Variants in CBFB observed in about 807,000 individuals in gnomAD.
The protein encoded by CBFB is CBF-beta.
Under a neutral mutation model 30.4 loss-of-function variants are expected in CBFB, and 9 were observed. That is an observed-to-expected ratio of 0.30 (90% CI 0.18 to 0.52). CBFB has a LOEUF of 0.52. CBFB is among the 20% of genes least tolerant of loss of function. CBFB has a pLI of 0.97. For missense variants in CBFB, 170 were observed against 244.0 expected (o/e 0.70, Z 2.02); for synonymous variants, 94 against 84.0 (o/e 1.12, Z -0.65).
chr16:67,078,621 T>G (rs1015096884), intron 4 of CBFB, among the ~76,000 whole-genome samples: 6 of 152,176 alleles, frequency 3.9e-5, no homozygotes, highest in African/African-American at 2.4e-5. Context: ...TCTCCTGGCT[T>G]ATTTTGCTGC....
intron 3 of CBFB, among the ~76,000 whole-genome samples, chr16:67,062,881 T>C (rs1960950600): frequency 6.6e-6 from 1 of 152,144 alleles, no homozygotes; most frequent in Admixed American, 6.5e-5. Context: ...ATGACTAATA[T>C]AAAATCCAGT....
chr16:67,046,616 A>C (rs1200264618), intron 3 of CBFB, among the ~76,000 whole-genome samples: 1 of 152,194 alleles, frequency 6.6e-6, no homozygotes, highest in African/African-American at 2.4e-5. Flanking sequence ...CAGTAGTATA[A>C]CCACCACCAA....
At chr16:67,043,815 C>T (rs973511919) in intron 3 of CBFB, among the ~76,000 whole-genome samples, 1 of 152,106 alleles carries the variant, frequency 6.6e-6, no homozygotes, top group Non-Finnish European at 1.5e-5. Context: ...TTATAGCTAA[C>T]TGATTGATAG....
intron 4 of CBFB, among the ~76,000 whole-genome samples, chr16:67,080,976 A>G (rs547693104): frequency 6.6e-6 from 1 of 152,150 alleles, no homozygotes; most frequent in Non-Finnish European, 1.5e-5. Context: ...AGTACCTCTG[A>G]CTTTTTTTTA....
chr16:67,090,808 A>C (rs371667881), intron 5 of CBFB, among the ~76,000 whole-genome samples: 2 of 152,368 alleles, frequency 1.3e-5, no homozygotes, highest in East Asian at 1.9e-4. Flanking sequence ...TTTTAATACA[A>C]TTCAAATCAT....
chr16:67,080,986 A>G (rs1325748209), intron 4 of CBFB, among the ~76,000 whole-genome samples: 5 of 151,872 alleles, frequency 3.3e-5, no homozygotes, highest in African/African-American at 4.8e-5. Context: ...ACTTTTTTTT[A>G]TATATATACT....
chr16:67,056,696 T>A (rs1440944999), intron 3 of CBFB, among the ~76,000 whole-genome samples: 1 of 151,814 alleles, frequency 6.6e-6, no homozygotes, highest in African/African-American at 2.4e-5. Flanking sequence ...TTTTTTTTTT[T>A]TTTTAAGACA....
At chr16:67,066,296 C>G (rs1246817700) in intron 3 of CBFB, among the ~76,000 whole-genome samples, 1 of 150,682 alleles carries the variant, frequency 6.6e-6, no homozygotes, top group African/African-American at 2.5e-5. Flanking sequence ...GCCTGTAATC[C>G]TAGCACTTTT....
Position 67,029,345 on chromosome 16 carries a change from C to T in CBFB, c.-63C>T. The T allele has an allele frequency of 8.0e-7, 1 of 1,244,306 alleles. No homozygotes were observed. The highest frequency in any genetic ancestry group is 3.2e-5 in the East Asian group (1 of 30,794). The allele number at this position is 1,244,306 out of a possible 1,614,324, so 77.1% of individuals were successfully genotyped here. On this transcript the variant is annotated 5_prime_UTR_variant, in exon 1 of 6. Coordinates refer to ENST00000412916, the MANE Select transcript of CBFB (RefSeq NM_022845.3). ...GGCGGTCAGTCGGTCAGCGCGGAGC[C>T]AGCCAGCGGGTGCCCGCGCAAGCCC... is the stretch of plus-strand genomic sequence containing the variant.
chr16:67,100,454 C>G lies in CBFB; in HGVS notation c.*1676C>G, dbSNP rs920255038. 1 of 226,372 alleles carries G rather than the reference C, an allele frequency of 4.4e-6. No individual in the cohort carries two copies. Among genetic ancestry groups the G allele is most frequent in the South Asian group, 1.8e-4 (1 of 5,464 alleles). The allele number at this position is 226,372 out of a possible 1,614,324, so 14.0% of individuals were successfully genotyped here. A position where few individuals can be genotyped will look rare whatever the true frequency, so the allele number is the denominator to read the frequency against. On this transcript the variant is annotated 3_prime_UTR_variant, in exon 6 of 6. Transcript: ENST00000412916. ...CAATAATGCGTCATTAAAGGCCATG[C>G]TGATCTTGCATAACTATAAGTACTA... is the stretch of plus-strand genomic sequence containing the variant.
rs534683373 is a variant in CBFB at position 67,029,174 on chromosome 16, G to A, written c.-234G>A. 6,022 of 179,586 alleles carry A rather than the reference G, an allele frequency of 0.034. 168 individuals are homozygous for A. Among genetic ancestry groups the A allele is most frequent in the South Asian group, 0.072 (437 of 6,066 alleles). 11.1% of individuals were successfully genotyped at this position (179,586 alleles called of 1,614,324 possible). A position where few individuals can be genotyped will look rare whatever the true frequency, so the allele number is the denominator to read the frequency against. On this transcript the variant is annotated 5_prime_UTR_variant, in exon 1 of 6. Transcript: ENST00000412916. ...GGTGAGCGCTGGGGCTGCGCGGGCG[G>A]CAGGCAACGGCTGAGGCGGCGGCGG...
intron 3 of CBFB, among the ~76,000 whole-genome samples, chr16:67,056,324 G>C (rs1960723041): frequency 6.6e-6 from 1 of 152,106 alleles, no homozygotes; most frequent in Non-Finnish European, 1.5e-5. Flanking sequence ...CAGTGTTAGT[G>C]AATCAGCAAT....
At chr16:67,068,673 T>C (rs537160621) in intron 4 of CBFB, among the ~76,000 whole-genome samples, 7 of 152,196 alleles carry the variant, frequency 4.6e-5, no homozygotes, top group East Asian at 1.9e-4. Context: ...CAAAAAGTTA[T>C]GAGATATGCA....
intron 2 of CBFB, among the ~76,000 whole-genome samples, chr16:67,030,873 C>T (rs1387408659): frequency 3.3e-5 from 5 of 152,154 alleles, no homozygotes; most frequent in Non-Finnish European, 7.3e-5. Context: ...GGATTACAGG[C>T]GTGAGCCACT....
At position 67,033,639 on chromosome 16, in the gene CBFB, T is replaced by C. The variant is rs533577190; in HGVS notation, c.166-3000T>C. 6.1e-5 allele frequency among the ~76,000 whole-genome samples: 9 copies of C among 147,142 alleles called. No homozygotes were observed. The South Asian group carries it at 2.0e-3, about 32-fold the overall frequency. On this transcript the variant is annotated intron_variant, in intron 2 of 5. Transcript: ENST00000412916. ...TTTTTTTTTTTTTTTTGAGACGGAG[T>C]CTTGCTCTGTCGCCCAGGCTGGAGT...
chr16:67,100,141 A>G lies in CBFB; in HGVS notation c.*1363A>G, dbSNP rs1452501031. 4.7e-6 allele frequency: 1 copy of G among 211,256 alleles called. No individual in the cohort carries two copies. Among genetic ancestry groups the G allele is most frequent in the Non-Finnish European group, 9.6e-6 (1 of 104,102 alleles). The allele number at this position is 211,256 out of a possible 1,614,324, so 13.1% of individuals were successfully genotyped here. ...CCTTACAAATATTTTTCATGGTCAC[A>G]TTTATTAAATGTTACTACATTTCTG... On this transcript the variant is annotated 3_prime_UTR_variant, in exon 6 of 6. Coordinates refer to ENST00000412916, the MANE Select transcript of CBFB (RefSeq NM_022845.3).
intron 5 of CBFB, among the ~76,000 whole-genome samples, chr16:67,085,889 A>G (rs537178544): frequency 1.3e-5 from 2 of 151,824 alleles, no homozygotes; most frequent in South Asian, 4.2e-4. Context: ...CGTGTTAGCC[A>G]GGATGGTCTC....
chr16:67,035,995 C>G (rs1966434759), intron 2 of CBFB, among the ~76,000 whole-genome samples: 1 of 152,180 alleles, frequency 6.6e-6, no homozygotes, highest in South Asian at 2.1e-4. Flanking sequence ...TAAATCTAAT[C>G]TATAAATATT....
chr16:67,083,209 C>T (rs189085797), intron 5 of CBFB, among the ~76,000 whole-genome samples: 4 of 152,104 alleles, frequency 2.6e-5, no homozygotes, highest in Admixed American at 2.6e-4. Flanking sequence ...CATAAATAAA[C>T]CTTTGACAGC....
Sources: gnomAD v4.1 joint callset for allele counts (sites outside exome capture counted in the v4.1 genomes callset) on GRCh38, gnomAD v4.1.1 for gene constraint, MANE v1.5 for transcripts, NCBI Gene and HGNC (gene_info 2026-07-23, HGNC 2026-07-21) for gene names.